USH2A: variants seen among roughly 807,000 people sequenced by gnomAD.
USH2A encodes usherin.
Under a neutral mutation model 538.9 loss-of-function variants are expected in USH2A, and 443 were observed. That is an observed-to-expected ratio of 0.82 (90% confidence interval 0.76 to 0.89). The LOEUF is 0.89. Among genes scored for constraint, USH2A ranks in the 40% least tolerant of loss-of-function variants. The pLI is 0.00. For missense variants in USH2A, 6,633 were observed against 6,324.8 expected (o/e 1.05, Z -1.65); for synonymous variants, 2,413 against 2,273.5 (o/e 1.06, Z -1.75).
At chr1:216,316,731 A>C (rs1417832540) in intron 9 of USH2A, among the ~76,000 whole-genome samples, 2 of 152,156 alleles carry the variant, frequency 1.3e-5, no homozygotes, top group African/African-American at 2.4e-5. Flanking sequence ...GCATTTCTCT[A>C]ATGATCAGTG....
chr1:216,001,181 C>T (rs1226201543), intron 32 of USH2A, among the ~76,000 whole-genome samples: 2 of 152,150 alleles, frequency 1.3e-5, no homozygotes, highest in Non-Finnish European at 2.9e-5. Context: ...CACTTAAAAA[C>T]ACTGTGTCAT....
At chr1:216,373,576 C>T (rs2038756536) in intron 3 of USH2A, among the ~76,000 whole-genome samples, 1 of 152,084 alleles carries the variant, frequency 6.6e-6, no homozygotes, top group African/African-American at 2.4e-5. Context: ...TGACCCATTC[C>T]CCCTGAATAC....
intron 61 of USH2A, among the ~76,000 whole-genome samples, chr1:215,708,832 C>T (rs1192374688): frequency 6.6e-6 from 1 of 152,042 alleles, no homozygotes; most frequent in Admixed American, 6.5e-5. Flanking sequence ...TCTGCGTCCC[C>T]GGGGTTCTGG....
At chr1:215,671,589 C>G (rs1235646161) in intron 63 of USH2A, among the ~76,000 whole-genome samples, 1 of 152,078 alleles carries the variant, frequency 6.6e-6, no homozygotes, top group African/African-American at 2.4e-5. Context: ...GCTTTCTAAA[C>G]TAAAGTTCCT....
chr1:216,244,939 T>C (rs2036007677), intron 13 of USH2A, among the ~76,000 whole-genome samples: 1 of 152,176 alleles, frequency 6.6e-6, no homozygotes, highest in Admixed American at 6.5e-5. Context: ...TAACATTTGA[T>C]CTATTAGCTT....
intron 37 of USH2A, among the ~76,000 whole-genome samples, chr1:215,951,853 A>ATTTATAT (rs1666925258): frequency 6.7e-6 from 1 of 149,566 alleles, no homozygotes; most frequent in African/African-American, 2.5e-5. Context: ...TATTTTTTTT[A>ATTTATAT]TTTTTTATTT....
intron 31 of USH2A, 49 bp from the exon 32 acceptor site, chr1:216,046,641 T>C (rs746425777): frequency 5.6e-6 from 9 of 1,604,872 alleles, no homozygotes; most frequent in South Asian, 5.5e-5. Context: ...ACTTTTCTAA[T>C]TCAAACTTTT....
intron 3 of USH2A, among the ~76,000 whole-genome samples, chr1:216,414,185 AT>A (rs1010296523): frequency 1.3e-5 from 2 of 152,062 alleles, no homozygotes; most frequent in African/African-American, 4.8e-5. Flanking sequence ...CTATGAATTG[AT>A]TTTTTCTAGT....
intron 21 of USH2A, chr1:216,174,742 C>A: frequency 1.0e-6 from 1 of 994,708 alleles, no homozygotes; most frequent in Non-Finnish European, 1.2e-6. Context: ...TAAGTTGTCA[C>A]AGTGAAAAAA....
chr1:215,660,849 T>A (rs1657416846), intron 64 of USH2A, among the ~76,000 whole-genome samples: 1 of 152,188 alleles, frequency 6.6e-6, no homozygotes, highest in Admixed American at 6.5e-5. Flanking sequence ...AACAGATAAA[T>A]CAATTAACAA....
At chr1:215,879,900 T>C (rs889615346) in intron 41 of USH2A, among the ~76,000 whole-genome samples, 22 of 152,220 alleles carry the variant, frequency 1.4e-4, no homozygotes, top group African/African-American at 5.3e-4. Flanking sequence ...AAAAATCATT[T>C]ATTTACATGT....
Position 216,198,571 on chromosome 1 carries a change from T to C in USH2A, c.3825A>G (p.Arg1275=). 1 of 1,613,096 alleles carries C rather than the reference T, an allele frequency of 6.2e-7. No individual in the cohort carries two copies. The highest frequency in any genetic ancestry group is 8.5e-7 in the Non-Finnish European group (1 of 1,179,726). ...PPAELNGIII[R]YELYMRRLRS... is the part of the protein sequence containing the mutation. ...TCAGTCTTCTCATGTATAGTTCATATCTTATAATTATTCCTAGAGAAATTA... is the reference window on the plus strand; with the variant it reads ...TCAGTCTTCTCATGTATAGTTCATACCTTATAATTATTCCTAGAGAAATTA... The change falls in exon 18 of 72, where the codon AGA becomes AGG. Residue 1275 remains arginine, a synonymous_variant. Transcript: ENST00000307340.
At chr1:216,255,787 C>T (rs187747095) in intron 11 of USH2A, among the ~76,000 whole-genome samples, 353 of 152,148 alleles carry the variant, frequency 2.3e-3, no homozygotes, top group African/African-American at 8.2e-3. Flanking sequence ...TTACTTATTT[C>T]CTGTCAGTTT....
chr1:216,377,901 AAG>A lies in USH2A; in HGVS notation c.652-12818_652-12817del, dbSNP rs113201714. ...AAAGAAAGGAAGGAAGGAAGAAAGA[AAG>A]AGAAAGAAAGAGAAAGAAAGAGAAA... is the stretch of plus-strand genomic sequence containing the variant. On this transcript the variant is annotated intron_variant, in intron 3 of 71. Coordinates refer to ENST00000307340, the MANE Select transcript of USH2A (RefSeq NM_206933.4). 6.8e-3 allele frequency among the ~76,000 whole-genome samples: 998 copies of A among 146,270 alleles called. 11 individuals carry two copies. The highest frequency in any genetic ancestry group is 0.026 in the African/African-American group (957 of 36,896).
chr1:216,213,711 C>G (rs148807098), intron 15 of USH2A, among the ~76,000 whole-genome samples: 1 of 150,654 alleles, frequency 6.6e-6, no homozygotes, highest in East Asian at 2.0e-4. Flanking sequence ...AAAAACATGA[C>G]CCATAAAGGA....
Position 215,833,883 on chromosome 1 carries a change from A to G in USH2A, c.9371+4108T>C, listed in dbSNP as rs144525293. On this transcript the variant is annotated intron_variant, in intron 47 of 71. Coordinates refer to ENST00000307340, the MANE Select transcript of USH2A (RefSeq NM_206933.4). The stretch of plus-strand genomic sequence containing the variant: ...CAAAGAATCTAATTAAGAAATTTGC[A>G]AAAGATTTGGAGATACCATTTCCCA... Among the ~76,000 whole-genome samples the G allele has an allele frequency of 4.9e-4, 74 of 152,238 alleles. No individual in the cohort carries two copies. In the East Asian group the frequency reaches 5.2e-3, roughly 11 times the overall value.
chr1:216,361,695 A>G (rs1336711200), intron 4 of USH2A, among the ~76,000 whole-genome samples: 3 of 152,210 alleles, frequency 2.0e-5, no homozygotes, highest in Non-Finnish European at 2.9e-5. Context: ...ATGGCAAAGA[A>G]TGATAACATC....
At chr1:216,321,227 T>C (rs1440029496) in intron 9 of USH2A, among the ~76,000 whole-genome samples, 1 of 152,146 alleles carries the variant, frequency 6.6e-6, no homozygotes, top group African/African-American at 2.4e-5. Context: ...TGAACCGTCT[T>C]TCATATCAGC....
intron 69 of USH2A, among the ~76,000 whole-genome samples, chr1:215,636,270 C>T (rs1202125233): frequency 6.6e-6 from 1 of 152,168 alleles, no homozygotes; most frequent in East Asian, 1.9e-4. Context: ...AAGTTCAGAA[C>T]TGGGGTGAAA....
Sources: allele counts gnomAD v4.1 joint callset (sites outside exome capture counted in the v4.1 genomes callset), GRCh38; gene constraint gnomAD v4.1.1; transcripts MANE v1.5; gene names NCBI Gene and HGNC (gene_info 2026-07-23, HGNC 2026-07-21).